PRRC2B: variants seen among roughly 807,000 people sequenced by gnomAD.
The protein encoded by PRRC2B is proline rich coiled-coil 2B.
PRRC2B carries 68 observed loss-of-function variants against 242.3 expected under a neutral mutation model. That is an observed-to-expected ratio of 0.28 (90% CI 0.23 to 0.34). The LOEUF (loss-of-function observed/expected upper bound fraction) is 0.34. Ranked by LOEUF, PRRC2B falls within the 10% of genes least tolerant of loss-of-function variation. PRRC2B has a pLI of 1.00. For missense variants in PRRC2B, 2,835 were observed against 2,954.8 expected, an observed-to-expected ratio of 0.96 and a Z score of 0.94; for synonymous variants, 1,228 against 1,173.6, an observed-to-expected ratio of 1.05 and a Z score of -0.95.
chr9:131,430,518 GATAGATAGA>G (rs1564281513), intron 2 of PRRC2B, among the ~76,000 whole-genome samples: 2,282 of 19,808 alleles, frequency 0.12, 26 homozygotes, highest in Non-Finnish European at 0.19. Flanking sequence ...TCTATAGATA[GATAGATAGA>G]TATCTATCTA....
At chr9:131,419,704 T>C (rs1204358805) in intron 1 of PRRC2B, among the ~76,000 whole-genome samples, 1 of 152,174 alleles carries the variant, frequency 6.6e-6, no homozygotes, top group East Asian at 1.9e-4. Flanking sequence ...ATTAACATGG[T>C]ATGTTCATCT....
intron 1 of PRRC2B, among the ~76,000 whole-genome samples, chr9:131,379,074 G>A (rs759287889): frequency 6.6e-6 from 1 of 152,114 alleles, no homozygotes; most frequent in Non-Finnish European, 1.5e-5. Flanking sequence ...TGTACAAAGG[G>A]AATCATGCAA....
Position 131,487,156 on chromosome 9 carries a change from C to T in PRRC2B, c.5857-11C>T, listed in dbSNP as rs1006767033. 3 of 1,613,028 alleles carry T rather than the reference C, an allele frequency of 1.9e-6. No individual in the cohort carries two copies. In the African/African-American group the frequency reaches 4.0e-5, roughly 22 times the overall value. On this transcript the variant is annotated splice_polypyrimidine_tract_variant and intron_variant, in intron 26 of 31. Coordinates refer to ENST00000683519, the MANE Select transcript of PRRC2B (RefSeq NM_013318.4). The surrounding 1 kb of genome is among the most constrained non-coding windows in gnomAD (Gnocchi z 5.3). ...GCGGTTACCTCCCCGACCCCGTTTT[C>T]CCGTTCACAGGCCGCCGCTGCCCAG...
At chr9:131,409,055 T>C (rs1486065941) in intron 1 of PRRC2B, among the ~76,000 whole-genome samples, 1 of 148,526 alleles carries the variant, frequency 6.7e-6, no homozygotes, top group South Asian at 2.1e-4. Flanking sequence ...GGAGTTTTGC[T>C]CTTGTCGCCC....
At chr9:131,392,893 C>G (rs531207348), upstream of PRRC2B, among the ~76,000 whole-genome samples, 1 of 145,592 alleles carries the variant, frequency 6.9e-6, no homozygotes, top group South Asian at 2.2e-4. Flanking sequence ...GCACTCCAGC[C>G]TGGGGGACAG....
intron 14 of PRRC2B, among the ~76,000 whole-genome samples, chr9:131,472,303 GATT>G (rs912289657): frequency 1.5e-4 from 23 of 151,532 alleles, no homozygotes; most frequent in African/African-American, 3.4e-4. Flanking sequence ...TTGGGATGAT[GATT>G]ATTATTATTA....
At chr9:131,452,588 A>G (rs1186975660) in intron 9 of PRRC2B, among the ~76,000 whole-genome samples, 1 of 144,810 alleles carries the variant, frequency 6.9e-6, no homozygotes, top group East Asian at 2.0e-4. Context: ...TAATTTGTAT[A>G]TTTCTTTTTC....
chr9:131,451,438 T>C (rs541454326), intron 9 of PRRC2B, among the ~76,000 whole-genome samples: 90 of 152,308 alleles, frequency 5.9e-4, no homozygotes, highest in South Asian at 3.9e-3. Context: ...TTGTGTTCAC[T>C]GGTACCAGAC....
At chr9:131,396,157 C>G (rs566260839) in intron 1 of PRRC2B, among the ~76,000 whole-genome samples, 1 of 152,106 alleles carries the variant, frequency 6.6e-6, no homozygotes, top group South Asian at 2.1e-4. Context: ...TTAAGATTCA[C>G]AGTGAATTGT....
intron 28 of PRRC2B, chr9:131,490,383 G>C: frequency 2.0e-6 from 1 of 507,756 alleles, no homozygotes; most frequent in South Asian, 1.4e-5. Flanking sequence ...CATACCCCAA[G>C]TCAGCACTCT....
chr9:131,492,374 C>G, intron 30 of PRRC2B, 114 bp downstream of exon 30: 1 of 752,446 alleles, frequency 1.3e-6, no homozygotes, highest in East Asian at 2.6e-5. Context: ...CCTGGTCCCT[C>G]TATGGGCCAT....
chr9:131,379,054 A>G (rs1464330916), intron 1 of PRRC2B, among the ~76,000 whole-genome samples: 1 of 152,064 alleles, frequency 6.6e-6, no homozygotes, highest in Non-Finnish European at 1.5e-5. Flanking sequence ...CTAAGGCAGG[A>G]TGGACATTTT....
At chr9:131,402,168 C>CTG (rs1312158000) in intron 1 of PRRC2B, among the ~76,000 whole-genome samples, 2 of 152,184 alleles carry the variant, frequency 1.3e-5, no homozygotes, top group Non-Finnish European at 2.9e-5. Flanking sequence ...GTTGGCCAGG[C>CTG]TGGTCTCGAA....
Position 131,478,628 on chromosome 9 carries a change from C to CGGAGGTGGGGGGG in PRRC2B, c.4758+14_4758+15insTGGGGGGGGGAGG. 3.8e-6 allele frequency: 1 copy of CGGAGGTGGGGGGG among 259,998 alleles called. No individual in the cohort carries two copies. The highest frequency in any genetic ancestry group is 6.6e-5 in the Admixed American group (1 of 15,058). The allele number at this position is 259,998 out of a possible 1,614,324, so 16.1% of individuals were successfully genotyped here. ...AGGAGCAGGCCGTGCAGGTGAGGGGCGGAGGGTGGGGGGGCATGGGGCTGG... is the reference window on the plus strand; with the variant it reads ...AGGAGCAGGCCGTGCAGGTGAGGGGCGGAGGTGGGGGGGGGAGGGTGGGGGGGCATGGGGCTGG... On this transcript the variant is annotated intron_variant, in intron 18 of 31. Transcript: ENST00000683519.
chr9:131,382,065 G>C (rs964174217), intron 1 of PRRC2B, among the ~76,000 whole-genome samples: 2 of 152,036 alleles, frequency 1.3e-5, no homozygotes, highest in African/African-American at 2.4e-5. Flanking sequence ...CGCCCAGGCT[G>C]GAGTGCAGTG....
Position 131,471,061 on chromosome 9 carries a change from A to G in PRRC2B, c.2107+78A>G, listed in dbSNP as rs111806090. 4,145 of 1,039,372 alleles carry G rather than the reference A, an allele frequency of 4.0e-3. 17 individuals are homozygous for G. Among genetic ancestry groups the G allele is most frequent in the Non-Finnish European group, 5.2e-3 (3,728 of 714,000 alleles). 64.4% of individuals were successfully genotyped at this position (1,039,372 alleles called of 1,614,324 possible). ...GGTCAAGGGTGTCCTCTCGAGTTAAACAGATACACCTGGATTTTGGTCTGG... is the reference window on the plus strand; with the variant it reads ...GGTCAAGGGTGTCCTCTCGAGTTAAGCAGATACACCTGGATTTTGGTCTGG... On this transcript the variant is annotated intron_variant, in intron 14 of 31. Transcript: ENST00000683519.
chr9:131,415,488 T>G (rs986296358), intron 1 of PRRC2B, among the ~76,000 whole-genome samples: 1 of 152,200 alleles, frequency 6.6e-6, no homozygotes, highest in Non-Finnish European at 1.5e-5. Flanking sequence ...AAGGGAGAAT[T>G]AACTGCTGGG....
chr9:131,494,610 G>T lies in PRRC2B; in HGVS notation c.6555+124G>T. ...GTCTAAAGACAGCCATGCCCTAGCG[G>T]TTAGAGCACAGAACCGGGAGCTGGG... is the stretch of plus-strand genomic sequence containing the variant. On this transcript the variant is annotated intron_variant, in intron 31 of 31. Coordinates refer to ENST00000683519, the MANE Select transcript of PRRC2B (RefSeq NM_013318.4). This position sits in a 1 kb window ranked among gnomAD's most constrained non-coding sequence, Gnocchi z 4.3. The T allele has an allele frequency of 1.7e-6, 1 of 592,754 alleles. No homozygotes were observed. Among genetic ancestry groups the T allele is most frequent in the Non-Finnish European group, 3.0e-6 (1 of 335,670 alleles). 36.7% of individuals were successfully genotyped at this position (592,754 alleles called of 1,614,324 possible).
intron 11 of PRRC2B, among the ~76,000 whole-genome samples, chr9:131,461,140 A>G (rs145228380): frequency 6.6e-6 from 1 of 152,194 alleles, no homozygotes; most frequent in East Asian, 1.9e-4. Flanking sequence ...CCTCGTATTT[A>G]TACTCACTTG....
Sources: gnomAD v4.1 joint callset for allele counts (sites outside exome capture counted in the v4.1 genomes callset) on GRCh38, gnomAD v4.1.1 for gene constraint, Gnocchi (gnomAD v3.1) non-coding constraint, MANE v1.5 for transcripts, NCBI Gene and HGNC (gene_info 2026-07-23, HGNC 2026-07-21) for gene names.